Variants in LRRTM4 observed in about 807,000 individuals in gnomAD.
The protein encoded by LRRTM4 is leucine rich repeat transmembrane neuronal 4.
In LRRTM4, 25 loss-of-function variants were observed where a neutral mutation model predicts 47.6. The ratio of observed to expected loss-of-function variants is 0.53; its 90% CI spans 0.38 to 0.73. The LOEUF (loss-of-function observed/expected upper bound fraction) is 0.73, where lower values mean the gene tolerates loss of function less well. Among genes scored for constraint, LRRTM4 ranks in the 30% least tolerant of loss-of-function variants. LRRTM4 has a pLI of 0.00. For missense variants in LRRTM4, 638 were observed against 713.4 expected, an observed-to-expected ratio of 0.89 and a Z score of 1.20; for synonymous variants, 311 against 269.5, an observed-to-expected ratio of 1.15 and a Z score of -1.51.
At chr2:77,445,967 T>G (rs1676034747) in intron 3 of LRRTM4, among the ~76,000 whole-genome samples, 1 of 152,044 alleles carries the variant, frequency 6.6e-6, no homozygotes, top group Non-Finnish European at 1.5e-5. Context: ...ATCATTAACT[T>G]TATTTTCCTA....
intron 3 of LRRTM4, among the ~76,000 whole-genome samples, chr2:77,420,042 G>T (rs1187481079): frequency 6.6e-6 from 1 of 152,164 alleles, no homozygotes; most frequent in East Asian, 1.9e-4. Flanking sequence ...GTGTTGGCTG[G>T]TGTTTCTGTC....
chr2:77,095,216 G>A (rs1279582378), intron 3 of LRRTM4, among the ~76,000 whole-genome samples: 2 of 152,214 alleles, frequency 1.3e-5, no homozygotes, highest in Non-Finnish European at 2.9e-5. Flanking sequence ...TACCTCATTA[G>A]TGACAAAGTT....
At chr2:76,888,132 A>G (rs1673138383) in intron 3 of LRRTM4, among the ~76,000 whole-genome samples, 1 of 150,884 alleles carries the variant, frequency 6.6e-6, no homozygotes. Flanking sequence ...ATGTGTGTGT[A>G]TATATGTATT....
chr2:77,466,002 T>C (rs1316473833), intron 3 of LRRTM4, among the ~76,000 whole-genome samples: 1 of 152,178 alleles, frequency 6.6e-6, no homozygotes, highest in Non-Finnish European at 1.5e-5. Context: ...TATAATCCAT[T>C]CATAGAGCAT....
intron 3 of LRRTM4, among the ~76,000 whole-genome samples, chr2:77,404,396 C>T (rs1674084010): frequency 2.6e-5 from 4 of 152,004 alleles, no homozygotes; most frequent in South Asian, 4.1e-4. Flanking sequence ...AATTTGATGT[C>T]TCAGCATTTT....
intron 3 of LRRTM4, among the ~76,000 whole-genome samples, chr2:77,014,251 G>A (rs1677976074): frequency 1.3e-5 from 2 of 152,124 alleles, no homozygotes; most frequent in Admixed American, 6.6e-5. Context: ...GGCAGATGGT[G>A]AAAGGAATAG....
intron 3 of LRRTM4, among the ~76,000 whole-genome samples, chr2:77,135,714 A>G (rs142289780): frequency 1.2e-4 from 19 of 152,262 alleles, no homozygotes; most frequent in African/African-American, 4.6e-4. Flanking sequence ...TACTGTTGTG[A>G]ATGTTCTTGA....
intron 3 of LRRTM4, among the ~76,000 whole-genome samples, chr2:77,059,603 G>C (rs1232458411): frequency 6.6e-6 from 1 of 152,082 alleles, no homozygotes; most frequent in Non-Finnish European, 1.5e-5. Context: ...TTTCAAATGA[G>C]TTACATGGGA....
At chr2:76,994,076 A>T (rs1441162835) in intron 3 of LRRTM4, among the ~76,000 whole-genome samples, 1 of 151,820 alleles carries the variant, frequency 6.6e-6, no homozygotes, top group African/African-American at 2.4e-5. Flanking sequence ...TGGACATACC[A>T]ATGTCCACGG....
intron 3 of LRRTM4, among the ~76,000 whole-genome samples, chr2:77,232,234 C>G (rs1337662203): frequency 1.3e-5 from 2 of 152,166 alleles, no homozygotes; most frequent in African/African-American, 4.8e-5. Flanking sequence ...CTGATCGGAC[C>G]TTCCTCTTCA....
chr2:77,144,045 GAGA>G (rs1028395653), intron 3 of LRRTM4, among the ~76,000 whole-genome samples: 10 of 152,272 alleles, frequency 6.6e-5, no homozygotes, highest in African/African-American at 2.2e-4. Context: ...TGGAGGAGAT[GAGA>G]AGGACAGCAA....
intron 3 of LRRTM4, among the ~76,000 whole-genome samples, chr2:77,173,880 C>T (rs1260029659): frequency 1.3e-5 from 2 of 152,128 alleles, no homozygotes; most frequent in Non-Finnish European, 2.9e-5. Context: ...CTATTATTAT[C>T]TTTGCTTGAA....
chr2:77,269,355 TA>T (rs1379663320), intron 3 of LRRTM4, among the ~76,000 whole-genome samples: 2 of 152,038 alleles, frequency 1.3e-5, no homozygotes, highest in African/African-American at 2.4e-5. Context: ...TGGTGGCACA[TA>T]AAAAATGTTG....
At chr2:77,200,975 C>A (rs17013806) in intron 3 of LRRTM4, among the ~76,000 whole-genome samples, 5,944 of 152,120 alleles carry the variant, frequency 0.039, 198 homozygotes, top group East Asian at 0.096. Context: ...AGAAAACCTG[C>A]GGCAAAGTCC....
chr2:77,086,738 G>C lies in LRRTM4; in HGVS notation c.1552-337822C>G, dbSNP rs184246195. On this transcript the variant is annotated intron_variant, in intron 3 of 3. Coordinates refer to ENST00000409884, the MANE Select transcript of LRRTM4 (RefSeq NM_001134745.3). Reference sequence around the variant, plus strand: ...GCGAAATCCTGACCTCAGGTAATCCGGCTGCCACAGCCTCCCAAAGTGCTG... The same window carrying C: ...GCGAAATCCTGACCTCAGGTAATCCCGCTGCCACAGCCTCCCAAAGTGCTG... 2.1e-3 allele frequency among the ~76,000 whole-genome samples: 315 copies of C among 152,068 alleles called. 2 individuals are homozygous for C. Among genetic ancestry groups the C allele is most frequent in the Middle Eastern group, 0.01 (3 of 294 alleles).
chr2:76,930,226 T>C (rs114731418), intron 3 of LRRTM4, among the ~76,000 whole-genome samples: 1,637 of 152,222 alleles, frequency 0.011, 33 homozygotes, highest in African/African-American at 0.038. Flanking sequence ...ATTACTGTGA[T>C]TTCTAGGTAA....
chr2:77,249,664 T>C (rs1177467530), intron 3 of LRRTM4, among the ~76,000 whole-genome samples: 2 of 152,170 alleles, frequency 1.3e-5, no homozygotes, highest in Non-Finnish European at 2.9e-5. Flanking sequence ...GCGCTGATAA[T>C]ACCAAATGCT....
At chr2:77,385,322 G>A (rs1673218787) in intron 3 of LRRTM4, among the ~76,000 whole-genome samples, 1 of 152,088 alleles carries the variant, frequency 6.6e-6, no homozygotes, top group Non-Finnish European at 1.5e-5. Flanking sequence ...CCAACATTAA[G>A]TCAACTAACA....
At chr2:76,780,681 C>T (rs1225060115) in intron 3 of LRRTM4, among the ~76,000 whole-genome samples, 1 of 152,156 alleles carries the variant, frequency 6.6e-6, no homozygotes, top group Admixed American at 6.5e-5. Context: ...TCAAAGTTTT[C>T]AACTTCTTTG....
Sources: allele counts gnomAD v4.1 joint callset (sites outside exome capture counted in the v4.1 genomes callset), GRCh38; gene constraint gnomAD v4.1.1; transcripts MANE v1.5; gene names NCBI Gene and HGNC (gene_info 2026-07-23, HGNC 2026-07-21).